Variants in CAMTA1 observed in about 807,000 individuals in gnomAD.
CAMTA1 encodes the protein calmodulin binding transcription activator 1.
CAMTA1 carries 27 observed loss-of-function variants against 170.9 expected under a neutral mutation model. The ratio of observed to expected loss-of-function variants is 0.16; its 90% CI spans 0.12 to 0.22. The LOEUF is 0.22. Ranked by LOEUF, CAMTA1 falls within the 10% of genes least tolerant of loss-of-function variation. The probability of loss-of-function intolerance (pLI) is 1.00; values close to 1 mark genes in which losing one functional copy is unlikely to be tolerated. For missense variants in CAMTA1, 1,619 were observed against 2,217.2 expected, an observed-to-expected ratio of 0.73 and a Z score of 5.42; for synonymous variants, 833 against 891.5, an observed-to-expected ratio of 0.93 and a Z score of 1.17.
chr1:6,861,281 T>A (rs1384883661), intron 3 of CAMTA1, among the ~76,000 whole-genome samples: 5 of 152,136 alleles, frequency 3.3e-5, no homozygotes, highest in Admixed American at 3.3e-4. Context: ...ACAGTAGAGA[T>A]TCATTTGTCT....
intron 4 of CAMTA1, among the ~76,000 whole-genome samples, chr1:7,126,345 C>G (rs1367432365): frequency 2.6e-5 from 4 of 152,164 alleles, no homozygotes; most frequent in African/African-American, 9.7e-5. Context: ...GCCTTCTACC[C>G]CCTCCCTAAT....
chr1:7,193,602 C>T (rs958844462), intron 4 of CAMTA1, among the ~76,000 whole-genome samples: 6 of 151,924 alleles, frequency 3.9e-5, no homozygotes, highest in African/African-American at 1.5e-4. Flanking sequence ...AGGTGAAGGA[C>T]GCAGACCCTG....
intron 6 of CAMTA1, among the ~76,000 whole-genome samples, chr1:7,483,529 T>C (rs1026868475): frequency 6.6e-6 from 1 of 152,178 alleles, no homozygotes. Flanking sequence ...GTTCCCTTCC[T>C]TTCCTGGGGA....
chr1:7,496,306 T>C (rs1750846), intron 6 of CAMTA1, among the ~76,000 whole-genome samples: 99,869 of 152,108 alleles, frequency 0.66, 34,000 homozygotes, highest in African/African-American at 0.83. Flanking sequence ...GTGGGGCACG[T>C]GAGCTCGTGA....
At chr1:6,903,334 A>C (rs528552989) in intron 3 of CAMTA1, among the ~76,000 whole-genome samples, 1 of 152,350 alleles carries the variant, frequency 6.6e-6, no homozygotes, top group East Asian at 1.9e-4. Flanking sequence ...TTACGTGTTT[A>C]TACACTTCTT....
At chr1:7,506,468 A>G (rs368286086) in intron 6 of CAMTA1, among the ~76,000 whole-genome samples, 2 of 151,256 alleles carry the variant, frequency 1.3e-5, no homozygotes, top group African/African-American at 4.9e-5. Flanking sequence ...CTCTCATACT[A>G]ACACTCAAAA....
rs1029713895 is a variant in CAMTA1 at position 6,798,637 on chromosome 1, C to T, written c.45+13062C>T. The stretch of plus-strand genomic sequence containing the variant: ...CGGAGTCTCGCTCTGTCGCCCAGGC[C>T]GGACTGCGGACTGCAGTGGCGCAAT... On this transcript the variant is annotated intron_variant, in intron 1 of 22. Transcript: ENST00000303635. Among the ~76,000 whole-genome samples the T allele has an allele frequency of 8.6e-4, 89 of 103,110 alleles. 11 individuals are homozygous for T. The highest frequency in any genetic ancestry group is 8.5e-4 in the Admixed American group (10 of 11,754). The allele number at this position is 103,110 out of a possible 152,430, so 67.6% of individuals were successfully genotyped here. A position where few individuals can be genotyped will look rare whatever the true frequency, so the allele number is the denominator to read the frequency against.
chr1:7,284,978 C>T (rs571056964), intron 5 of CAMTA1, among the ~76,000 whole-genome samples: 1 of 152,330 alleles, frequency 6.6e-6, no homozygotes, highest in Admixed American at 6.5e-5. Context: ...CAAGACACAA[C>T]TCAAGCAGCC....
chr1:6,894,554 A>G lies in CAMTA1; in HGVS notation c.234+69344A>G, dbSNP rs935815137. Among the ~76,000 whole-genome samples the G allele has an allele frequency of 5.3e-5, 8 of 152,252 alleles. No homozygotes were observed. The South Asian group carries it at 1.0e-3, about 20-fold the overall frequency. On this transcript the variant is annotated intron_variant, in intron 3 of 22. Transcript: ENST00000303635. ...CTCTCAAGCGTCAGCCCTTCTTGGCAGTAAATACGGTGAAGCTGCCGCTGT... is the reference window on the plus strand; with the variant it reads ...CTCTCAAGCGTCAGCCCTTCTTGGCGGTAAATACGGTGAAGCTGCCGCTGT...
chr1:7,128,212 CT>C (rs1193698117), intron 4 of CAMTA1, among the ~76,000 whole-genome samples: 1 of 152,148 alleles, frequency 6.6e-6, no homozygotes, highest in Non-Finnish European at 1.5e-5. Flanking sequence ...CGGTTTCCCC[CT>C]ACCTCGCCCA....
intron 6 of CAMTA1, among the ~76,000 whole-genome samples, chr1:7,575,289 C>T (rs2095176925): frequency 6.6e-6 from 1 of 152,026 alleles, no homozygotes; most frequent in African/African-American, 2.4e-5. Flanking sequence ...TTCCTCTACC[C>T]CACACTGCCC....
chr1:7,261,232 C>T (rs769752769), intron 5 of CAMTA1, among the ~76,000 whole-genome samples: 3 of 152,116 alleles, frequency 2.0e-5, no homozygotes, highest in Admixed American at 6.5e-5. Flanking sequence ...ATCCTTTGTG[C>T]GTCGAGGATG....
intron 11 of CAMTA1, among the ~76,000 whole-genome samples, chr1:7,707,963 A>G (rs1336652635): frequency 6.6e-6 from 1 of 152,210 alleles, no homozygotes; most frequent in Non-Finnish European, 1.5e-5. Context: ...ATCAGGAGAT[A>G]GTTACTCTTC....
At chr1:7,492,877 A>C (rs2093741420) in intron 6 of CAMTA1, among the ~76,000 whole-genome samples, 1 of 151,498 alleles carries the variant, frequency 6.6e-6, no homozygotes. Flanking sequence ...ACACGCGCAC[A>C]TGCACAAACA....
chr1:7,316,532 T>G (rs1677528875), intron 5 of CAMTA1, among the ~76,000 whole-genome samples: 1 of 152,216 alleles, frequency 6.6e-6, no homozygotes, highest in African/African-American at 2.4e-5. Context: ...GTTGCTGATG[T>G]TATTGTTGCT....
At chr1:6,990,330 G>A (rs965539809) in intron 3 of CAMTA1, among the ~76,000 whole-genome samples, 2 of 151,866 alleles carry the variant, frequency 1.3e-5, no homozygotes, top group African/African-American at 2.4e-5. Context: ...AATTTCAAAC[G>A]TAAAGAAGAG....
chr1:7,600,352 T>C (rs1257640488), intron 6 of CAMTA1, among the ~76,000 whole-genome samples: 2 of 152,230 alleles, frequency 1.3e-5, no homozygotes, highest in Non-Finnish European at 2.9e-5. Flanking sequence ...CAGTATTTTA[T>C]TGAGGATTTT....
In CAMTA1 at chr1:7,588,377, C is replaced by T. The variant is rs139342780; in HGVS notation, c.511-52023C>T. Among the ~76,000 whole-genome samples, 42 of 152,280 alleles carry T rather than the reference C, an allele frequency of 2.8e-4. 1 individual carries two copies. The highest frequency in any genetic ancestry group is 8.9e-4 in the African/African-American group (37 of 41,566). On this transcript the variant is annotated intron_variant, in intron 6 of 22. Coordinates refer to ENST00000303635, the MANE Select transcript of CAMTA1 (RefSeq NM_015215.4). The surrounding 1 kb of genome is among the most constrained non-coding windows in gnomAD (Gnocchi z 5.8). The stretch of plus-strand genomic sequence containing the variant: ...TCTGCCACACACAGTCGGGATGGTC[C>T]GGGCGGGGGATGGCCCCAGGGGCTC...
At chr1:7,106,804 C>A (rs575294365) in intron 4 of CAMTA1, among the ~76,000 whole-genome samples, 1 of 152,084 alleles carries the variant, frequency 6.6e-6, no homozygotes, top group African/African-American at 2.4e-5. Flanking sequence ...CTAAAATTAT[C>A]CCTAATTGGC....
Sources: gnomAD v4.1 joint callset for allele counts (sites outside exome capture counted in the v4.1 genomes callset) on GRCh38, gnomAD v4.1.1 for gene constraint, Gnocchi (gnomAD v3.1) non-coding constraint, MANE v1.5 for transcripts, NCBI Gene and HGNC (gene_info 2026-07-23, HGNC 2026-07-21) for gene names.